PMFBP1: variants seen among roughly 807,000 people sequenced by gnomAD.
The protein encoded by PMFBP1 is polyamine-modulated factor 1-binding protein 1.
PMFBP1 carries 131 observed loss-of-function variants against 137.8 expected under a neutral mutation model. The observed-to-expected ratio is 0.95, with a 90% CI of 0.82 to 1.10. The LOEUF (loss-of-function observed/expected upper bound fraction) is 1.10. Ranked by LOEUF, PMFBP1 falls within the 50% of genes least tolerant of loss-of-function variation. PMFBP1 has a pLI of 0.00. For missense variants in PMFBP1, 1,199 were observed against 1,175.4 expected, an observed-to-expected ratio of 1.02 and a Z score of -0.29; for synonymous variants, 490 against 450.4, an observed-to-expected ratio of 1.09 and a Z score of -1.11.
the PMFBP1 span, among the ~76,000 whole-genome samples, chr16:72,194,130 G>A: frequency 7.2e-5 from 11 of 152,098 alleles, no homozygotes; most frequent in East Asian, 2.1e-3. Flanking sequence ...GTGCATTTCT[G>A]GACCTGCTGA....
upstream of PMFBP1, among the ~76,000 whole-genome samples, chr16:72,172,678 A>G (rs1347852013): frequency 6.6e-6 from 1 of 152,056 alleles, no homozygotes; most frequent in African/African-American, 2.4e-5. Flanking sequence ...GAATATCACA[A>G]TGAGACAAGT....
chr16:72,184,154 G>A, the PMFBP1 span, among the ~76,000 whole-genome samples: 2 of 152,112 alleles, frequency 1.3e-5, no homozygotes, highest in Non-Finnish European at 2.9e-5. Flanking sequence ...TTCCTGAAAT[G>A]GTCCCAGGTT....
the PMFBP1 span, among the ~76,000 whole-genome samples, chr16:72,245,508 A>G: frequency 6.6e-6 from 1 of 152,134 alleles, no homozygotes; most frequent in Non-Finnish European, 1.5e-5. Context: ...CAGGGGTTGC[A>G]CTCTTTTCAG....
intron 14 of PMFBP1, among the ~76,000 whole-genome samples, chr16:72,127,110 G>A (rs1484323044): frequency 6.6e-6 from 1 of 152,174 alleles, no homozygotes; most frequent in Non-Finnish European, 1.5e-5. Flanking sequence ...TGTATTCTTT[G>A]GTATTCTAGC....
rs746867327 is a variant in PMFBP1, at chr16:72,150,607, C to T, written c.636+1G>A. On this transcript the variant is annotated splice_donor_variant, in intron 5 of 20. Coordinates refer to ENST00000237353, the MANE Select transcript of PMFBP1 (RefSeq NM_031293.3). LOFTEE classifies it high-confidence loss of function. ...ATTGAATGGCCTGACTTAAGTCCTA[C>T]CTGACCCATGATCCCGCCGAGTTCC... 1.1e-5 allele frequency: 17 copies of T among 1,612,392 alleles called. No individual in the cohort carries two copies. Among genetic ancestry groups the T allele is most frequent in the Non-Finnish European group, 1.4e-5 (17 of 1,179,914 alleles).
chr16:72,147,240 C>T (rs1003507784), intron 5 of PMFBP1, among the ~76,000 whole-genome samples: 7 of 152,330 alleles, frequency 4.6e-5, no homozygotes, highest in African/African-American at 1.7e-4. Context: ...ACCCTCTAAT[C>T]TTTGACAAAC....
chr16:72,231,244 A>C, the PMFBP1 span, among the ~76,000 whole-genome samples: 1 of 152,184 alleles, frequency 6.6e-6, no homozygotes, highest in South Asian at 2.1e-4. Flanking sequence ...TTATAGCTTG[A>C]TAATTCCAGG....
the PMFBP1 span, among the ~76,000 whole-genome samples, chr16:72,209,475 ATAT>A: frequency 1.4e-3 from 206 of 150,834 alleles, no homozygotes; most frequent in African/African-American, 4.8e-3. Flanking sequence ...TGTATATATG[ATAT>A]TATCTGTATA....
chr16:72,241,194 C>T, the PMFBP1 span, among the ~76,000 whole-genome samples: 1 of 152,122 alleles, frequency 6.6e-6, no homozygotes, highest in Non-Finnish European at 1.5e-5. Flanking sequence ...CAGGCTCTCA[C>T]CGACCACTGA....
Position 72,150,230 on chromosome 16 carries a change from T to C in PMFBP1, c.636+378A>G, listed in dbSNP as rs185565234. Among the ~76,000 whole-genome samples the C allele has an allele frequency of 2.2e-4, 33 of 152,198 alleles. 1 individual carries two copies. Among genetic ancestry groups the C allele is most frequent in the African/African-American group, 7.7e-4 (32 of 41,520 alleles). ...GATTGGACATTGTTAGGGAGAGCTG[T>C]TGGTATTAACACCTGTGAAAGGAAG... On this transcript the variant is annotated intron_variant, in intron 5 of 20. Transcript: ENST00000237353.
At position 72,124,985 on chromosome 16, in the gene PMFBP1, C is replaced by T. The variant is rs377362363; in HGVS notation, c.2422-51G>A. The T allele has an allele frequency of 7.5e-5, 119 of 1,596,136 alleles. No homozygotes were observed. The African/African-American group carries it at 1.4e-3, about 18-fold the overall frequency. The stretch of plus-strand genomic sequence containing the variant: ...GGGGACTCCAGCTGGCCTCCCTGAC[C>T]GCAGGACCCACAAGGCCAGAGGGTG... On this transcript the variant is annotated intron_variant, in intron 16 of 20. Transcript: ENST00000237353.
Position 72,129,122 on chromosome 16 carries a change from GCTT to G in PMFBP1, c.1891_1893del (p.Lys631del), listed in dbSNP as rs1260619576. The G allele has an allele frequency of 2.5e-6, 4 of 1,614,180 alleles. No individual in the cohort carries two copies. Among genetic ancestry groups the G allele is most frequent in the Admixed American group, 3.3e-5 (2 of 60,026 alleles). On this transcript the variant is annotated inframe_deletion, in exon 13 of 21. Transcript: ENST00000237353. ...AAAGCTTCAAGTTCTCCCTCCATCA[GCTT>G]CTCATGCTCTTTGCTCTTCTTCAAC...
At chr16:72,158,234 G>T (rs928783587) in intron 3 of PMFBP1, among the ~76,000 whole-genome samples, 2 of 152,196 alleles carry the variant, frequency 1.3e-5, no homozygotes, top group African/African-American at 2.4e-5. Flanking sequence ...CCAGGCAAAA[G>T]AAATCCTAGG....
chr16:72,132,684 C>A, intron 10 of PMFBP1, 64 bp downstream of exon 10: 1 of 1,597,058 alleles, frequency 6.3e-7, no homozygotes, highest in Non-Finnish European at 8.5e-7. Context: ...GAGAAGGTGG[C>A]TGCTCTAGGG....
chr16:72,142,242 A>G (rs565785320), intron 5 of PMFBP1, among the ~76,000 whole-genome samples: 1 of 152,300 alleles, frequency 6.6e-6, no homozygotes, highest in Admixed American at 6.5e-5. Flanking sequence ...CTAGAAAACA[A>G]AACAGAAAAG....
In PMFBP1 at chr16:72,129,213, G is replaced by T. The variant is rs779264156; in HGVS notation, c.1803C>A (p.Ile601=). 3.0e-5 allele frequency: 48 copies of T among 1,613,020 alleles called. 1 individual carries two copies. The Middle Eastern group carries it at 4.9e-4, about 17-fold the overall frequency. ...IKHQHREQGS[I]KCKLEEDLQE... is the part of the protein sequence containing the mutation. The stretch of plus-strand genomic sequence containing the variant: ...GAAGATCTTCTTCTAACTTGCATTT[G>T]ATGGAGCCTTGCTCCCTGTGCTGAA... Residue 601 remains isoleucine, a synonymous_variant, in exon 13 of 21, where the codon ATC becomes ATA. Coordinates refer to ENST00000237353, the MANE Select transcript of PMFBP1 (RefSeq NM_031293.3).
the PMFBP1 span, among the ~76,000 whole-genome samples, chr16:72,185,105 C>A: frequency 4.0e-5 from 6 of 151,744 alleles, no homozygotes; most frequent in Non-Finnish European, 8.8e-5. Flanking sequence ...CTCACTGCAA[C>A]CTCTGCCTCC....
At chr16:72,229,544 C>T in the PMFBP1 span, among the ~76,000 whole-genome samples, 1 of 151,988 alleles carries the variant, frequency 6.6e-6, no homozygotes, top group African/African-American at 2.4e-5. Flanking sequence ...TAATAATAGG[C>T]ATTCTGACTG....
chr16:72,223,064 C>T, the PMFBP1 span, among the ~76,000 whole-genome samples: 1 of 152,088 alleles, frequency 6.6e-6, no homozygotes, highest in Admixed American at 6.6e-5. Context: ...GAATATGCTA[C>T]CCCAGGCTGT....
Sources: allele counts gnomAD v4.1 joint callset (sites outside exome capture counted in the v4.1 genomes callset), GRCh38; gene constraint gnomAD v4.1.1; transcripts MANE v1.5; gene names NCBI Gene and HGNC (gene_info 2026-07-23, HGNC 2026-07-21).